Variants in DERA observed in about 807,000 individuals in gnomAD.
DERA encodes the protein deoxyribose-phosphate aldolase.
Under a neutral mutation model 41.1 loss-of-function variants are expected in DERA, and 15 were observed. That is an observed-to-expected ratio of 0.37 (90% CI 0.24 to 0.56). DERA has a LOEUF of 0.56. Among genes scored for constraint, DERA ranks in the 20% least tolerant of loss-of-function variants. The probability of loss-of-function intolerance (pLI) is 0.81; values close to 1 mark genes in which losing one functional copy is unlikely to be tolerated. For synonymous variants in DERA, 139 were observed against 137.4 expected, an observed-to-expected ratio of 1.01 and a Z score of -0.08; for missense variants, 396 against 403.4, an observed-to-expected ratio of 0.98 and a Z score of 0.16.
In DERA at chr12:15,911,715, C is replaced by T; in HGVS notation, c.31+301C>T. The T allele has an allele frequency of 4.6e-6, 3 of 650,382 alleles. No homozygotes were observed. The highest frequency in any genetic ancestry group is 8.5e-6 in the Non-Finnish European group (3 of 352,216). The allele number at this position is 650,382 out of a possible 1,614,324, so 40.3% of individuals were successfully genotyped here. Reference sequence around the variant, plus strand: ...GCTCGCTGGTTGGAAAACCCAACAACCCAAAAAACAAAACCCAAAACAAAC... The same window carrying T: ...GCTCGCTGGTTGGAAAACCCAACAATCCAAAAAACAAAACCCAAAACAAAC... On this transcript the variant is annotated intron_variant, in intron 1 of 8. Coordinates refer to ENST00000428559, the MANE Select transcript of DERA (RefSeq NM_015954.4). This position sits in a 1 kb window ranked among gnomAD's most constrained non-coding sequence, Gnocchi z 4.5.
At chr12:15,964,644 C>A (rs1238577450) in intron 5 of DERA, among the ~76,000 whole-genome samples, 7 of 152,148 alleles carry the variant, frequency 4.6e-5, no homozygotes, top group African/African-American at 1.7e-4. Context: ...GTATTTAAAA[C>A]AAATCTGGCA....
rs999215829 is a variant in DERA at position 15,918,443 on chromosome 12, C to A, written c.31+7029C>A. On this transcript the variant is annotated intron_variant, in intron 1 of 8. Coordinates refer to ENST00000428559, the MANE Select transcript of DERA (RefSeq NM_015954.4). This position sits in a 1 kb window ranked among gnomAD's most constrained non-coding sequence, Gnocchi z 4.3. ...TGGCCCACTCTGGGCCATAGTGGTG[C>A]CCCCATTTCAACCCGGCTTGAATGA... 6.6e-6 allele frequency among the ~76,000 whole-genome samples: 1 copy of A among 152,166 alleles called. No homozygotes were observed. The highest frequency in any genetic ancestry group is 1.5e-5 in the Non-Finnish European group (1 of 68,024).
At position 15,922,919 on chromosome 12, in the gene DERA, A is replaced by C. The variant is rs1948254527; in HGVS notation, c.31+11505A>C. ...ATGTTGATAATGGGGGAGGCTATGC[A>C]TGTGTGGGGCAAAGCTTGTGTGGGA... On this transcript the variant is annotated intron_variant, in intron 1 of 8. Coordinates refer to ENST00000428559, the MANE Select transcript of DERA (RefSeq NM_015954.4). This position sits in a 1 kb window ranked among gnomAD's most constrained non-coding sequence, Gnocchi z 4.9. Among the ~76,000 whole-genome samples the C allele has an allele frequency of 6.6e-6, 1 of 151,252 alleles. No individual in the cohort carries two copies. The highest frequency in any genetic ancestry group is 1.5e-5 in the Non-Finnish European group (1 of 67,930).
rs144435550 is a variant in DERA, at chr12:16,015,508, C to A, written c.638-17034C>A. On this transcript the variant is annotated intron_variant, in intron 6 of 8. Coordinates refer to ENST00000428559, the MANE Select transcript of DERA (RefSeq NM_015954.4). ...CATCTTCTGTCATGATTGCAAGTTT[C>A]CAGAGGCCTCCCCAGCCATGCTGAA... 4.6e-5 allele frequency among the ~76,000 whole-genome samples: 7 copies of A among 152,312 alleles called. No homozygotes were observed. The East Asian group carries it at 1.4e-3, about 29-fold the overall frequency.
In DERA at chr12:16,021,166, C is replaced by T. The variant is rs550078244; in HGVS notation, c.638-11376C>T. ...GACTTGAAGGCATTTCAGAGGTCTTCGAAGCAGCCCCTGCCATCAAAGGCC... is the reference window on the plus strand; with the variant it reads ...GACTTGAAGGCATTTCAGAGGTCTTTGAAGCAGCCCCTGCCATCAAAGGCC... On this transcript the variant is annotated intron_variant, in intron 6 of 8. Transcript: ENST00000428559. This position sits in a 1 kb window ranked among gnomAD's most constrained non-coding sequence, Gnocchi z 5.3. 5.2e-4 allele frequency among the ~76,000 whole-genome samples: 79 copies of T among 152,292 alleles called. No individual in the cohort carries two copies. The highest frequency in any genetic ancestry group is 1.7e-3 in the African/African-American group (72 of 41,560).
chr12:15,980,015 T>C (rs186123107), intron 5 of DERA, among the ~76,000 whole-genome samples: 24 of 152,334 alleles, frequency 1.6e-4, no homozygotes, highest in Admixed American at 1.2e-3. Context: ...GGCTCACTGA[T>C]TGTAAGCAGT....
intron 3 of DERA, 49 bp downstream of exon 3, chr12:15,958,384 G>A: frequency 2.1e-6 from 3 of 1,449,604 alleles, no homozygotes; most frequent in Non-Finnish European, 2.7e-6. Context: ...TTACAATACT[G>A]ATTACTAAAT....
intron 6 of DERA, among the ~76,000 whole-genome samples, chr12:16,029,482 C>T (rs979643635): frequency 9.2e-5 from 14 of 152,140 alleles, no homozygotes; most frequent in African/African-American, 3.4e-4. Context: ...TCTGAGCCAC[C>T]AGCCCAGTTT....
In DERA at chr12:15,928,625, T is replaced by C. The variant is rs533438175; in HGVS notation, c.31+17211T>C. ...TGCCTGTGGGTGTGTTGGACTCTTA[T>C]TGCATGCTTTTCCCACCCCCGAGGT... On this transcript the variant is annotated intron_variant, in intron 1 of 8. Coordinates refer to ENST00000428559, the MANE Select transcript of DERA (RefSeq NM_015954.4). This position sits in a 1 kb window ranked among gnomAD's most constrained non-coding sequence, Gnocchi z 4.6. Among the ~76,000 whole-genome samples, 6 of 152,270 alleles carry C rather than the reference T, an allele frequency of 3.9e-5. No homozygotes were observed. The highest frequency in any genetic ancestry group is 1.2e-4 in the African/African-American group (5 of 41,552).
chr12:15,947,718 A>C (rs1417958996), intron 1 of DERA, among the ~76,000 whole-genome samples: 1 of 152,088 alleles, frequency 6.6e-6, no homozygotes, highest in Non-Finnish European at 1.5e-5. Flanking sequence ...ATTTAAGGTT[A>C]ATATTGTTCT....
chr12:15,934,036 T>G (rs1364417664), intron 1 of DERA, among the ~76,000 whole-genome samples: 1 of 152,198 alleles, frequency 6.6e-6, no homozygotes, highest in Non-Finnish European at 1.5e-5. Flanking sequence ...TGTACTAGGA[T>G]AAAGCACTGT....
intron 1 of DERA, among the ~76,000 whole-genome samples, chr12:15,926,042 C>T (rs1048393861): frequency 3.2e-4 from 49 of 151,572 alleles, no homozygotes; most frequent in African/African-American, 1.1e-3. Flanking sequence ...AGGCTGGTCT[C>T]GAACTCCTGA....
Position 15,915,378 on chromosome 12 carries a change from A to G in DERA, c.31+3964A>G, listed in dbSNP as rs1948191625. The stretch of plus-strand genomic sequence containing the variant: ...TGCTAAAGTATAACTTGGGTACAGA[A>G]TGTTTCTGATTTGGGTGATGGTGAT... On this transcript the variant is annotated intron_variant, in intron 1 of 8. Coordinates refer to ENST00000428559, the MANE Select transcript of DERA (RefSeq NM_015954.4). The surrounding 1 kb of genome is among the most constrained non-coding windows in gnomAD (Gnocchi z 4.8). 6.6e-6 allele frequency among the ~76,000 whole-genome samples: 1 copy of G among 152,146 alleles called. No individual in the cohort carries two copies. The highest frequency in any genetic ancestry group is 2.4e-5 in the African/African-American group (1 of 41,426).
In DERA at chr12:16,019,551, C is replaced by T. The variant is rs1592053426; in HGVS notation, c.638-12991C>T. The stretch of plus-strand genomic sequence containing the variant: ...TCTGTGTATATGTCCCTCCTCCCAC[C>T]TCACCTCCAACACAGACTTCTTAGA... On this transcript the variant is annotated intron_variant, in intron 6 of 8. Coordinates refer to ENST00000428559, the MANE Select transcript of DERA (RefSeq NM_015954.4). This position sits in a 1 kb window ranked among gnomAD's most constrained non-coding sequence, Gnocchi z 4.4. Among the ~76,000 whole-genome samples, 4 of 152,314 alleles carry T rather than the reference C, an allele frequency of 2.6e-5. No homozygotes were observed. The highest frequency in any genetic ancestry group is 9.6e-5 in the African/African-American group (4 of 41,554).
Position 15,982,874 on chromosome 12 carries a change from A to T in DERA, c.637+438A>T, listed in dbSNP as rs1380634504. On this transcript the variant is annotated intron_variant, in intron 6 of 8. Coordinates refer to ENST00000428559, the MANE Select transcript of DERA (RefSeq NM_015954.4). The surrounding 1 kb of genome is among the most constrained non-coding windows in gnomAD (Gnocchi z 4.0). The stretch of plus-strand genomic sequence containing the variant: ...TTAATGTTTTAAAATTTAGTGCAGT[A>T]TCATTGATTTTTATACTTTCAAATA... Among the ~76,000 whole-genome samples the T allele has an allele frequency of 6.6e-6, 1 of 152,212 alleles. No individual in the cohort carries two copies. The highest frequency in any genetic ancestry group is 1.5e-5 in the Non-Finnish European group (1 of 68,028).
chr12:15,951,661 G>C (rs1360397390), intron 1 of DERA, among the ~76,000 whole-genome samples: 1 of 152,126 alleles, frequency 6.6e-6, no homozygotes, highest in Non-Finnish European at 1.5e-5. Flanking sequence ...AATATTAGGG[G>C]AATATATAAC....
chr12:16,034,625 G>A (rs949295024), intron 7 of DERA, among the ~76,000 whole-genome samples: 4 of 152,088 alleles, frequency 2.6e-5, no homozygotes, highest in African/African-American at 7.2e-5. Context: ...AAGTTTCTAC[G>A]TCATTGATTT....
intron 1 of DERA, among the ~76,000 whole-genome samples, chr12:15,945,141 T>G (rs1948437454): frequency 6.6e-6 from 1 of 152,196 alleles, no homozygotes; most frequent in Non-Finnish European, 1.5e-5. Flanking sequence ...AGCCTTGTAG[T>G]ATAGTTTGAA....
intron 4 of DERA, among the ~76,000 whole-genome samples, chr12:15,961,903 C>A (rs901428466): frequency 1.1e-4 from 17 of 152,268 alleles, no homozygotes; most frequent in African/African-American, 4.1e-4. Flanking sequence ...ACCACCACAC[C>A]AGGCTAATTT....
Sources: allele counts gnomAD v4.1 joint callset (sites outside exome capture counted in the v4.1 genomes callset), GRCh38; gene constraint gnomAD v4.1.1; non-coding constraint Gnocchi (gnomAD v3.1); transcripts MANE v1.5; gene names NCBI Gene and HGNC (gene_info 2026-07-23, HGNC 2026-07-21).